Variants in ARHGAP15 observed in about 807,000 individuals in gnomAD.
ARHGAP15 encodes rho GTPase-activating protein 15.
ARHGAP15 carries 51 observed loss-of-function variants against 63.7 expected under a neutral mutation model. The observed-to-expected ratio is 0.80, with a 90% CI of 0.64 to 1.01. The LOEUF (loss-of-function observed/expected upper bound fraction) is 1.01, where lower values mean the gene tolerates loss of function less well. Among genes scored for constraint, ARHGAP15 ranks in the 50% least tolerant of loss-of-function variants. The probability of loss-of-function intolerance (pLI) is 0.00; values close to 1 mark genes in which losing one functional copy is unlikely to be tolerated. For synonymous variants in ARHGAP15, 191 were observed against 193.8 expected, an observed-to-expected ratio of 0.99 and a Z score of 0.12; for missense variants, 560 against 564.6, an observed-to-expected ratio of 0.99 and a Z score of 0.08.
intron 1 of ARHGAP15, among the ~76,000 whole-genome samples, chr2:143,148,268 C>T (rs1689672121): frequency 6.6e-6 from 1 of 152,042 alleles, no homozygotes; most frequent in Non-Finnish European, 1.5e-5. Flanking sequence ...TCCCATTCTC[C>T]ACTGCACTCT....
rs199653389 is a variant in ARHGAP15 at position 143,435,597 on chromosome 2, G to C, written c.475-4G>C. 1.2e-6 allele frequency: 1 copy of C among 844,322 alleles called. No individual in the cohort carries two copies. Among genetic ancestry groups the C allele is most frequent in the Non-Finnish European group, 1.5e-6 (1 of 674,084 alleles). 52.3% of individuals were successfully genotyped at this position (844,322 alleles called of 1,614,324 possible). A position where few individuals can be genotyped will look rare whatever the true frequency, so the allele number is the denominator to read the frequency against. ...ATTTCTTTTTCTTTTTTTTTTTTTT[G>C]CAGATCACAACAGTATCAGGAAATG... On this transcript the variant is annotated splice_region_variant and splice_polypyrimidine_tract_variant and intron_variant, in intron 6 of 13. Transcript: ENST00000295095.
intron 11 of ARHGAP15, among the ~76,000 whole-genome samples, chr2:143,584,571 A>G (rs1332579130): frequency 6.6e-6 from 1 of 152,146 alleles, no homozygotes; most frequent in Non-Finnish European, 1.5e-5. Context: ...GGTTGCAGTG[A>G]TCCAAGATCA....
intron 2 of ARHGAP15, among the ~76,000 whole-genome samples, chr2:143,189,243 A>G (rs1401952263): frequency 6.6e-6 from 1 of 152,030 alleles, no homozygotes; most frequent in Non-Finnish European, 1.5e-5. Context: ...TCTCTTCCAC[A>G]TACACTATTT....
chr2:143,307,591 G>A (rs1263213960), intron 6 of ARHGAP15, among the ~76,000 whole-genome samples: 2 of 151,978 alleles, frequency 1.3e-5, no homozygotes, highest in Non-Finnish European at 2.9e-5. Flanking sequence ...GAATAATGAG[G>A]GAAAGAGGTT....
At chr2:143,559,558 G>A (rs529383870) in intron 11 of ARHGAP15, among the ~76,000 whole-genome samples, 1 of 152,324 alleles carries the variant, frequency 6.6e-6, no homozygotes, top group South Asian at 2.1e-4. Context: ...TAGATGATAA[G>A]TGAAATGCAT....
chr2:143,475,510 T>C (rs1311206367), intron 8 of ARHGAP15, among the ~76,000 whole-genome samples: 1 of 152,234 alleles, frequency 6.6e-6, no homozygotes, highest in Non-Finnish European at 1.5e-5. Context: ...GACTCTGGCC[T>C]GACATTTCCG....
At chr2:143,621,854 T>C (rs1166861211) in intron 11 of ARHGAP15, among the ~76,000 whole-genome samples, 1 of 152,224 alleles carries the variant, frequency 6.6e-6, no homozygotes, top group Non-Finnish European at 1.5e-5. Flanking sequence ...TAAGCCATTA[T>C]TTGTTGCTGC....
intron 8 of ARHGAP15, among the ~76,000 whole-genome samples, chr2:143,451,144 A>G (rs1690388802): frequency 6.6e-6 from 1 of 151,970 alleles, no homozygotes; most frequent in South Asian, 2.1e-4. Flanking sequence ...ATATTAATTC[A>G]GCAGGGACGG....
At chr2:143,153,166 T>C (rs1206965140) in intron 1 of ARHGAP15, among the ~76,000 whole-genome samples, 3 of 151,902 alleles carry the variant, frequency 2.0e-5, no homozygotes, top group Non-Finnish European at 4.4e-5. Context: ...TGGTGTACGG[T>C]TGGGCTATGT....
chr2:143,755,280 G>A (rs927550648), intron 13 of ARHGAP15, among the ~76,000 whole-genome samples: 1 of 150,454 alleles, frequency 6.6e-6, no homozygotes, highest in Admixed American at 6.6e-5. Flanking sequence ...TATATGGGGG[G>A]GGGGGATCTA....
At chr2:143,544,043 C>G (rs548392172) in intron 10 of ARHGAP15, among the ~76,000 whole-genome samples, 64 of 152,168 alleles carry the variant, frequency 4.2e-4, no homozygotes, top group Non-Finnish European at 8.4e-4. Context: ...TGTACGAGTC[C>G]CAAAATCACA....
intron 11 of ARHGAP15, among the ~76,000 whole-genome samples, chr2:143,606,469 A>T (rs569624593): frequency 1.1e-3 from 174 of 152,330 alleles, no homozygotes; most frequent in Non-Finnish European, 2.2e-3. Context: ...TGCTAAAATA[A>T]CTTCCTAAGT....
At chr2:143,227,050 A>T (rs1327660446) in intron 4 of ARHGAP15, among the ~76,000 whole-genome samples, 3 of 152,230 alleles carry the variant, frequency 2.0e-5, no homozygotes. Context: ...CACTTTTGTG[A>T]AATGAATTCA....
chr2:143,211,158 T>C (rs1306458211), intron 3 of ARHGAP15, among the ~76,000 whole-genome samples: 1 of 151,912 alleles, frequency 6.6e-6, no homozygotes, highest in African/African-American at 2.4e-5. Flanking sequence ...AAATCAAATA[T>C]AGCATGAATA....
intron 4 of ARHGAP15, among the ~76,000 whole-genome samples, chr2:143,218,918 A>G (rs1692877757): frequency 1.3e-5 from 2 of 152,238 alleles, no homozygotes; most frequent in Non-Finnish European, 2.9e-5. Context: ...TGATGTTATG[A>G]AGACTACCAT....
intron 1 of ARHGAP15, among the ~76,000 whole-genome samples, chr2:143,142,563 C>A (rs967990169): frequency 1.3e-5 from 2 of 152,032 alleles, no homozygotes; most frequent in African/African-American, 4.8e-5. Context: ...ATACATTTGT[C>A]TTTGCATCAA....
At chr2:143,643,712 G>T (rs2105279990) in intron 12 of ARHGAP15, among the ~76,000 whole-genome samples, 1 of 151,720 alleles carries the variant, frequency 6.6e-6, no homozygotes, top group Non-Finnish European at 1.5e-5. Flanking sequence ...ATAAAAGGAA[G>T]AAATGAAGGA....
chr2:143,161,586 A>G (rs1220596790), intron 2 of ARHGAP15, among the ~76,000 whole-genome samples: 1 of 151,934 alleles, frequency 6.6e-6, no homozygotes, highest in Non-Finnish European at 1.5e-5. Flanking sequence ...TTGGTGGGAT[A>G]AAATAGCTCC....
chr2:143,213,770 C>T (rs6430008), intron 3 of ARHGAP15, among the ~76,000 whole-genome samples: 26,000 of 152,174 alleles, frequency 0.17, 2,427 homozygotes, highest in Middle Eastern at 0.24. Flanking sequence ...GCTATTCAGT[C>T]CGTCCTCATT....
Sources: allele counts gnomAD v4.1 joint callset (sites outside exome capture counted in the v4.1 genomes callset), GRCh38; gene constraint gnomAD v4.1.1; transcripts MANE v1.5; gene names NCBI Gene and HGNC (gene_info 2026-07-23, HGNC 2026-07-21).